The following ATXN8OS variants were observed in gnomAD, a reference collection of about 807,000 sequenced individuals.
The protein encoded by ATXN8OS is ATXN8 opposite strand (non-protein coding).
chr13:70,112,920 ATTT>A (rs759144765), intron 1 of ATXN8OS, among the ~76,000 whole-genome samples: 1 of 87,590 alleles, frequency 1.1e-5, no homozygotes, highest in African/African-American at 4.4e-5. Context: ...TATATATATA[ATTT>A]TTTTTTTTTT....
At chr13:70,166,587 T>C (rs1328828535) in intron 4 of ATXN8OS, among the ~76,000 whole-genome samples, 2 of 152,086 alleles carry the variant, frequency 1.3e-5, no homozygotes, top group African/African-American at 4.8e-5. Context: ...GGCAATACCA[T>C]TCAGGACATA....
chr13:70,156,072 C>T (rs1311681697), intron 4 of ATXN8OS, among the ~76,000 whole-genome samples: 1 of 152,016 alleles, frequency 6.6e-6, no homozygotes, highest in Non-Finnish European at 1.5e-5. Flanking sequence ...GCTTTCCTAA[C>T]TTTATGAACA....
rs372937984 is a variant in ATXN8OS at position 70,135,412 on chromosome 13, G to GCT, written n.499+5545_499+5546dup. Among the ~76,000 whole-genome samples the GCT allele has an allele frequency of 2.5e-4, 38 of 149,594 alleles. 1 individual carries two copies. Among genetic ancestry groups the GCT allele is most frequent in the Non-Finnish European group, 3.1e-4 (21 of 67,280 alleles). Reference sequence around the variant, plus strand: ...TAATTATTGTGTCTTTTACTTAATGGCTCTCTCTCTCTCTCTCTTTAATTT... The same window carrying GCT: ...TAATTATTGTGTCTTTTACTTAATGGCTCTCTCTCTCTCTCTCTCTTTAATTT... On this transcript the variant is annotated intron_variant and non_coding_transcript_variant, in intron 3 of 4. Transcript: ENST00000678624.
intron 2 of ATXN8OS, among the ~76,000 whole-genome samples, chr13:70,126,751 C>T (rs749733922): frequency 9.9e-5 from 15 of 151,340 alleles, no homozygotes; most frequent in Non-Finnish European, 1.9e-4. Flanking sequence ...TATAAATAGA[C>T]ATAAATGGAT....
rs553089623 is a variant in ATXN8OS at position 70,124,823 on chromosome 13, T to C, written n.399-4961T>C. On this transcript the variant is annotated intron_variant and non_coding_transcript_variant, in intron 2 of 4. Transcript: ENST00000678624. ...TAATAGTCTAGCTTTGAAATACAGATATATAATTGCTTGCATAGCCAATCT... is the reference window on the plus strand; with the variant it reads ...TAATAGTCTAGCTTTGAAATACAGACATATAATTGCTTGCATAGCCAATCT... 9.2e-5 allele frequency among the ~76,000 whole-genome samples: 14 copies of C among 152,274 alleles called. No individual in the cohort carries two copies. The East Asian group carries it at 2.7e-3, about 29-fold the overall frequency.
chr13:70,108,865 C>T (rs924186056), intron 1 of ATXN8OS, among the ~76,000 whole-genome samples: 1 of 152,130 alleles, frequency 6.6e-6, no homozygotes. Context: ...CAAAATGTGA[C>T]GATGCCACCA....
rs5804476 is a variant in ATXN8OS at position 70,116,158 on chromosome 13, TAA to T, written n.398+873_398+874del. Among the ~76,000 whole-genome samples, 454 of 147,080 alleles carry T rather than the reference TAA, an allele frequency of 3.1e-3. 2 individuals are homozygous for T. Among genetic ancestry groups the T allele is most frequent in the East Asian group, 5.6e-3 (28 of 4,982 alleles). On this transcript the variant is annotated intron_variant and non_coding_transcript_variant, in intron 2 of 4. Transcript: ENST00000678624. Reference sequence around the variant, plus strand: ...TTCATGGTGATGGGGGTGTATCAGTTAAAAAAAAAAAAAAGTAGACCAAAATC... The same window carrying T: ...TTCATGGTGATGGGGGTGTATCAGTTAAAAAAAAAAAAGTAGACCAAAATC...
intron 3 of ATXN8OS, among the ~76,000 whole-genome samples, chr13:70,140,824 A>C (rs897606567): frequency 3.3e-5 from 5 of 152,022 alleles, no homozygotes; most frequent in African/African-American, 1.2e-4. Context: ...AAAGACACTG[A>C]GTGTTCCAGC....
At chr13:70,110,838 C>A (rs1483950623) in intron 1 of ATXN8OS, among the ~76,000 whole-genome samples, 1 of 152,100 alleles carries the variant, frequency 6.6e-6, no homozygotes, top group Non-Finnish European at 1.5e-5. Flanking sequence ...GACTGTTTAA[C>A]CAGCCATAAG....
chr13:70,139,239 A>T (rs1888661067), intron 3 of ATXN8OS: 24 of 453,010 alleles, frequency 5.3e-5, no homozygotes, highest in Non-Finnish European at 3.9e-6. Flanking sequence ...CCTTGCATTC[A>T]GATTGCCTTT....
intron 3 of ATXN8OS, chr13:70,139,453 A>T: frequency 1.5e-6 from 1 of 682,900 alleles, no homozygotes; most frequent in Non-Finnish European, 2.5e-6. Context: ...ATATTATCTT[A>T]TTTTACTATT....
At chr13:70,136,032 T>TA (rs1888608476) in intron 3 of ATXN8OS, among the ~76,000 whole-genome samples, 1 of 152,204 alleles carries the variant, frequency 6.6e-6, no homozygotes, top group Non-Finnish European at 1.5e-5. Flanking sequence ...AGTGGGTTTT[T>TA]AGAGGCCAAA....
intron 4 of ATXN8OS, among the ~76,000 whole-genome samples, chr13:70,150,343 G>T (rs955305385): frequency 1.3e-5 from 2 of 152,086 alleles, no homozygotes; most frequent in Non-Finnish European, 2.9e-5. Flanking sequence ...AAGTTTGTTT[G>T]AAGACAGTGA....
chr13:70,160,750 ATTTT>A (rs1888997529), intron 4 of ATXN8OS, among the ~76,000 whole-genome samples: 6 of 37,292 alleles, frequency 1.6e-4, no homozygotes, highest in Non-Finnish European at 3.1e-4. Context: ...TTTATATATA[ATTTT>A]ATATTTATAT....
chr13:70,108,005 C>T lies in ATXN8OS; in HGVS notation n.226C>T, dbSNP rs1356094266. On this transcript the variant is annotated non_coding_transcript_exon_variant, in exon 1 of 5. Coordinates refer to ENST00000678624, the Ensembl canonical transcript of ATXN8OS. ...AATCCTCGATGCCCGCGCGAGAGCC[C>T]CGTGTTATGGCGAGGTGGGACAACC... 4 of 444,754 alleles carry T rather than the reference C, an allele frequency of 9.0e-6. No homozygotes were observed. The East Asian group carries it at 1.3e-4, about 15-fold the overall frequency. The allele number at this position is 444,754 out of a possible 1,614,324, so 27.6% of individuals were successfully genotyped here. A position where few individuals can be genotyped will look rare whatever the true frequency, so the allele number is the denominator to read the frequency against.
intron 4 of ATXN8OS, among the ~76,000 whole-genome samples, chr13:70,164,371 A>G (rs1889053339): frequency 6.6e-6 from 1 of 151,732 alleles, no homozygotes; most frequent in Non-Finnish European, 1.5e-5. Context: ...GGCAAAGCAC[A>G]GAGTTCTACC....
chr13:70,119,164 TTATAA>T (rs1411385356), intron 2 of ATXN8OS, among the ~76,000 whole-genome samples: 1 of 152,104 alleles, frequency 6.6e-6, no homozygotes, highest in Non-Finnish European at 1.5e-5. Context: ...ACCCTTACTC[TTATAA>T]TATACATACA....
At chr13:70,135,055 C>T (rs911636016) in intron 3 of ATXN8OS, among the ~76,000 whole-genome samples, 3 of 152,194 alleles carry the variant, frequency 2.0e-5, no homozygotes, top group Non-Finnish European at 2.9e-5. Context: ...GACGAGACTA[C>T]CTAGCCCAAC....
intron 3 of ATXN8OS, among the ~76,000 whole-genome samples, chr13:70,132,121 C>T (rs996960633): frequency 3.9e-5 from 6 of 151,944 alleles, no homozygotes; most frequent in African/African-American, 1.5e-4. Flanking sequence ...ATTGAAAATA[C>T]TTAGGGACAT....
Sources: allele counts gnomAD v4.1 joint callset (sites outside exome capture counted in the v4.1 genomes callset), GRCh38; gene constraint gnomAD v4.1.1; transcripts MANE v1.5; gene names NCBI Gene and HGNC (gene_info 2026-07-23, HGNC 2026-07-21).